Variants in RBMS3 observed in about 807,000 individuals in gnomAD.
RBMS3 encodes RNA binding motif single stranded interacting protein 3.
Under a neutral mutation model 66.8 loss-of-function variants are expected in RBMS3, and 27 were observed. The ratio of observed to expected loss-of-function variants is 0.40; its 90% confidence interval spans 0.30 to 0.56. The LOEUF (loss-of-function observed/expected upper bound fraction) is 0.56, where lower values mean the gene tolerates loss of function less well. Ranked by LOEUF, RBMS3 falls within the 20% of genes least tolerant of loss-of-function variation. RBMS3 has a pLI of 0.40. For missense variants in RBMS3, 513 were observed against 549.5 expected, an observed-to-expected ratio of 0.93 and a Z score of 0.66; for synonymous variants, 188 against 183.0, an observed-to-expected ratio of 1.03 and a Z score of -0.22.
At chr3:29,892,051 T>C (rs556427133) in intron 8 of RBMS3, among the ~76,000 whole-genome samples, 53 of 151,584 alleles carry the variant, frequency 3.5e-4, no homozygotes, top group African/African-American at 1.2e-3. Context: ...GAAATAAGAT[T>C]TTACCATATT....
intron 3 of RBMS3, among the ~76,000 whole-genome samples, chr3:29,504,113 C>T (rs1343340868): frequency 6.8e-6 from 1 of 148,146 alleles, no homozygotes; most frequent in Non-Finnish European, 1.5e-5. Context: ...TCCAGAAATA[C>T]AAACTTGGTC....
intron 7 of RBMS3, among the ~76,000 whole-genome samples, chr3:29,881,158 A>G (rs906803444): frequency 1.3e-5 from 2 of 151,164 alleles, no homozygotes; most frequent in Non-Finnish European, 2.9e-5. Context: ...TTTCCATAGT[A>G]CTCCTTTTTG....
At chr3:29,440,793 G>A (rs562465246) in intron 2 of RBMS3, among the ~76,000 whole-genome samples, 2 of 152,284 alleles carry the variant, frequency 1.3e-5, no homozygotes, top group South Asian at 4.1e-4. Context: ...GTGCCATCCA[G>A]GCTCCGAGCG....
intron 3 of RBMS3, among the ~76,000 whole-genome samples, chr3:29,504,191 C>A (rs35976064): frequency 1.3e-5 from 2 of 152,034 alleles, no homozygotes; most frequent in Non-Finnish European, 2.9e-5. Context: ...TTGCCCAGGT[C>A]ACACATATGT....
At chr3:29,479,257 C>T (rs1341422064) in intron 2 of RBMS3, among the ~76,000 whole-genome samples, 7 of 151,248 alleles carry the variant, frequency 4.6e-5, no homozygotes, top group Non-Finnish European at 1.0e-4. Flanking sequence ...TGTCACATAG[C>T]AGGTGTTCAG....
chr3:29,824,958 T>C (rs1467447832), intron 6 of RBMS3, among the ~76,000 whole-genome samples: 1 of 152,164 alleles, frequency 6.6e-6, no homozygotes, highest in African/African-American at 2.4e-5. Context: ...TTTATTCAAT[T>C]GGAAGATAGT....
At chr3:29,358,602 T>C (rs930057892) in intron 1 of RBMS3, among the ~76,000 whole-genome samples, 2 of 152,340 alleles carry the variant, frequency 1.3e-5, no homozygotes, top group South Asian at 2.1e-4. Flanking sequence ...GGTAGCTTGA[T>C]GGGGATGGCA....
chr3:29,806,104 T>C (rs1202443525), intron 6 of RBMS3, among the ~76,000 whole-genome samples: 1 of 152,062 alleles, frequency 6.6e-6, no homozygotes, highest in Non-Finnish European at 1.5e-5. Context: ...TTCCAGAGCA[T>C]AATTGATTTT....
At chr3:29,655,361 TA>T (rs2050288740) in intron 4 of RBMS3, among the ~76,000 whole-genome samples, 4 of 152,202 alleles carry the variant, frequency 2.6e-5, no homozygotes. Flanking sequence ...TGGTGAAGCA[TA>T]AAGTAGCAAT....
chr3:29,815,728 A>G (rs761467781), intron 6 of RBMS3, among the ~76,000 whole-genome samples: 1 of 152,060 alleles, frequency 6.6e-6, no homozygotes, highest in Non-Finnish European at 1.5e-5. Context: ...AGTGGGAGCT[A>G]AGCTATGAGG....
chr3:29,465,442 T>C (rs879302025), intron 2 of RBMS3, among the ~76,000 whole-genome samples: 4 of 151,930 alleles, frequency 2.6e-5, no homozygotes, highest in Non-Finnish European at 4.4e-5. Flanking sequence ...CAGAGTAATA[T>C]GTTCCTCCTT....
intron 8 of RBMS3, among the ~76,000 whole-genome samples, chr3:29,889,264 C>T (rs1184417717): frequency 6.6e-6 from 1 of 151,686 alleles, no homozygotes; most frequent in Non-Finnish European, 1.5e-5. Context: ...CACACACATA[C>T]ACATGCACAC....
At chr3:29,569,569 C>A (rs1208271366) in intron 3 of RBMS3, among the ~76,000 whole-genome samples, 1 of 151,992 alleles carries the variant, frequency 6.6e-6, no homozygotes, top group Non-Finnish European at 1.5e-5. Flanking sequence ...TCCAAAAATC[C>A]TTTGAGATGG....
At chr3:29,918,478 A>G (rs2060692994) in intron 10 of RBMS3, among the ~76,000 whole-genome samples, 1 of 152,158 alleles carries the variant, frequency 6.6e-6, no homozygotes, top group Admixed American at 6.5e-5. Context: ...TTGATCTGAC[A>G]GGCACATGCA....
chr3:29,480,917 G>A (rs560274629), intron 2 of RBMS3, among the ~76,000 whole-genome samples: 3 of 152,056 alleles, frequency 2.0e-5, no homozygotes, highest in Admixed American at 1.3e-4. Flanking sequence ...GAGAAAAGGA[G>A]AAGCAGGTCT....
At chr3:29,496,295 CTTTT>C (rs1019287389) in intron 3 of RBMS3, among the ~76,000 whole-genome samples, 1 of 151,638 alleles carries the variant, frequency 6.6e-6, no homozygotes, top group Non-Finnish European at 1.5e-5. Flanking sequence ...TTTCCCTAGC[CTTTT>C]TTTGTGAATT....
chr3:29,606,819 A>G (rs569544560), intron 4 of RBMS3, among the ~76,000 whole-genome samples: 84 of 152,086 alleles, frequency 5.5e-4, no homozygotes, highest in Non-Finnish European at 1.1e-3. Context: ...CAGAAAATAC[A>G]TGAGATAAAA....
intron 4 of RBMS3, among the ~76,000 whole-genome samples, chr3:29,673,317 C>T (rs1348457689): frequency 2.0e-5 from 3 of 152,074 alleles, no homozygotes; most frequent in Admixed American, 6.5e-5. Context: ...AATCAACACC[C>T]TAAAATCACA....
chr3:29,597,871 A>T (rs2149110983), intron 4 of RBMS3, among the ~76,000 whole-genome samples: 1 of 152,256 alleles, frequency 6.6e-6, no homozygotes, highest in Middle Eastern at 3.4e-3. Context: ...CTAAGGATCC[A>T]TTTGGAAATT....
Sources: gnomAD v4.1 joint callset for allele counts (sites outside exome capture counted in the v4.1 genomes callset) on GRCh38, gnomAD v4.1.1 for gene constraint, MANE v1.5 for transcripts, NCBI Gene and HGNC (gene_info 2026-07-23, HGNC 2026-07-21) for gene names.